Variants in NR6A1 observed in about 807,000 individuals in gnomAD.
NR6A1 encodes retinoic acid receptor-related testis-associated receptor.
A neutral mutation model predicts 59.1 loss-of-function variants in NR6A1; 7 were observed. That is an observed-to-expected ratio of 0.12 (90% CI 0.07 to 0.22). NR6A1 has a LOEUF of 0.22. Ranked by LOEUF, NR6A1 falls within the 10% of genes least tolerant of loss-of-function variation. NR6A1 has a pLI of 1.00. For synonymous variants in NR6A1, 243 were observed against 236.1 expected (o/e 1.03, Z -0.27); for missense variants, 468 against 611.6 (o/e 0.77, Z 2.48).
At chr9:124,647,724 C>CAAA (rs35591437) in intron 2 of NR6A1, among the ~76,000 whole-genome samples, 10 of 56,028 alleles carry the variant, frequency 1.8e-4, no homozygotes, top group African/African-American at 4.1e-4. Flanking sequence ...GAGACCGTCT[C>CAAA]AAAAAAAAAA....
chr9:124,647,407 C>T (rs939183909), intron 2 of NR6A1, among the ~76,000 whole-genome samples: 1 of 152,054 alleles, frequency 6.6e-6, no homozygotes, highest in African/African-American at 2.4e-5. Context: ...AAGAAATGGA[C>T]ATACACAACC....
intron 2 of NR6A1, among the ~76,000 whole-genome samples, chr9:124,650,861 A>C (rs1191345626): frequency 1.3e-5 from 2 of 152,222 alleles, no homozygotes; most frequent in Admixed American, 1.3e-4. Flanking sequence ...AACTTGAAAC[A>C]TTCAGGAATA....
intron 2 of NR6A1, among the ~76,000 whole-genome samples, chr9:124,611,947 T>C (rs563518271): frequency 4.1e-4 from 62 of 152,198 alleles, no homozygotes; most frequent in African/African-American, 1.4e-3. Context: ...ATATCTATCT[T>C]AGAAGAGGGG....
intron 2 of NR6A1, among the ~76,000 whole-genome samples, chr9:124,647,341 A>T (rs1292909656): frequency 6.6e-6 from 1 of 152,240 alleles, no homozygotes; most frequent in Non-Finnish European, 1.5e-5. Context: ...AATACAAAGC[A>T]TCATTAGAGA....
intron 1 of NR6A1, among the ~76,000 whole-genome samples, chr9:124,747,133 A>G (rs540185349): frequency 2.1e-4 from 31 of 147,982 alleles, no homozygotes; most frequent in Non-Finnish European, 3.3e-4. Context: ...GCTGGCAACT[A>G]TTTCCCCTAG....
At chr9:124,635,745 G>A (rs76132589) in intron 2 of NR6A1, among the ~76,000 whole-genome samples, 1,836 of 152,230 alleles carry the variant, frequency 0.012, 31 homozygotes, top group African/African-American at 0.04. Context: ...GTCAGGATAT[G>A]CCACTGTTAT....
intron 7 of NR6A1, among the ~76,000 whole-genome samples, chr9:124,534,072 CTTT>C (rs113862423): frequency 0.014 from 1,887 of 135,694 alleles, 34 homozygotes; most frequent in African/African-American, 0.048. Flanking sequence ...CATTATAAGA[CTTT>C]TTTTTTTTTT....
chr9:124,542,259 G>A (rs1383232887), intron 4 of NR6A1, among the ~76,000 whole-genome samples: 1 of 152,132 alleles, frequency 6.6e-6, no homozygotes, highest in South Asian at 2.1e-4. Context: ...TATATGACTT[G>A]AATAACGAGA....
rs1163137971 is a variant in NR6A1, at chr9:124,521,368, C to T, written c.*1337G>A. ...GTAGTTTAAAGCCCCCCTTCCCTTCCAGGTGCTTCTGGCTCCAGCCCTCCA... is the reference window on the plus strand; with the variant it reads ...GTAGTTTAAAGCCCCCCTTCCCTTCTAGGTGCTTCTGGCTCCAGCCCTCCA... On this transcript the variant is annotated 3_prime_UTR_variant, in exon 10 of 10. Transcript: ENST00000487099. 6.6e-6 allele frequency: 1 copy of T among 152,516 alleles called. No individual in the cohort carries two copies. Among genetic ancestry groups the T allele is most frequent in the Non-Finnish European group, 1.5e-5 (1 of 68,300 alleles). The allele number at this position is 152,516 out of a possible 1,614,324, so 9.4% of individuals were successfully genotyped here. A position where few individuals can be genotyped will look rare whatever the true frequency, so the allele number is the denominator to read the frequency against.
At chr9:124,677,465 C>T (rs1247437268) in intron 2 of NR6A1, among the ~76,000 whole-genome samples, 3 of 151,732 alleles carry the variant, frequency 2.0e-5, no homozygotes, top group Non-Finnish European at 4.4e-5. Flanking sequence ...CATCATGTTG[C>T]CCAGGCTAGT....
intron 1 of NR6A1, among the ~76,000 whole-genome samples, chr9:124,734,202 C>T (rs911881510): frequency 3.3e-5 from 5 of 152,228 alleles, no homozygotes; most frequent in African/African-American, 1.2e-4. Flanking sequence ...ATAATTATCT[C>T]TAACACCTGT....
Position 124,526,837 on chromosome 9 carries a change from C to A in NR6A1, c.1143G>T (p.Gln381His). 1.2e-6 allele frequency: 2 copies of A among 1,614,140 alleles called. No homozygotes were observed. Among genetic ancestry groups the A allele is most frequent in the Non-Finnish European group, 1.7e-6 (2 of 1,179,978 alleles). The change falls in exon 8 of 10, where the codon CAG (glutamine) becomes CAT (histidine). Residue 381 changes from glutamine (Q) to histidine (H), a missense_variant. Around this residue, in one of 4 missense-constraint regions of NR6A1, gnomAD observed 176 missense variants for 264.0 expected, o/e 0.67. Coordinates refer to ENST00000487099, the MANE Select transcript of NR6A1 (RefSeq NM_033334.4). ...RLIYLYHKFH[Q>H]LKVSNEEYAC... ...CATACTCCTCGTTGCTGACCTTTAGCTGATGGAACTTGTGATAGAGGTAGA... is the reference window on the plus strand; with the variant it reads ...CATACTCCTCGTTGCTGACCTTTAGATGATGGAACTTGTGATAGAGGTAGA...
Position 124,520,676 on chromosome 9 carries a change from C to T in NR6A1, c.*2029G>A, listed in dbSNP as rs1247785486. On this transcript the variant is annotated 3_prime_UTR_variant, in exon 10 of 10. Coordinates refer to ENST00000487099, the MANE Select transcript of NR6A1 (RefSeq NM_033334.4). ...CTGTGATATGTGTCTCCTTCCCGATCTGGAGGAAAGCAGCTCAGAGTCTGA... is the reference window on the plus strand; with the variant it reads ...CTGTGATATGTGTCTCCTTCCCGATTTGGAGGAAAGCAGCTCAGAGTCTGA... 1 of 152,210 alleles carries T rather than the reference C, an allele frequency of 6.6e-6. No individual in the cohort carries two copies. Among genetic ancestry groups the T allele is most frequent in the Non-Finnish European group, 1.5e-5 (1 of 68,050 alleles). The allele number at this position is 152,210 out of a possible 1,614,324, so 9.4% of individuals were successfully genotyped here.
intron 1 of NR6A1, among the ~76,000 whole-genome samples, chr9:124,747,436 T>C (rs750849639): frequency 3.3e-5 from 5 of 152,060 alleles, no homozygotes; most frequent in African/African-American, 4.8e-5. Flanking sequence ...TCATCCTAGG[T>C]TGGATGGTCT....
intron 7 of NR6A1, among the ~76,000 whole-genome samples, chr9:124,532,633 G>A (rs16927506): frequency 0.018 from 2,679 of 152,232 alleles, 73 homozygotes; most frequent in African/African-American, 0.062. Context: ...TTTTTGCATC[G>A]ATGGATTCCA....
intron 2 of NR6A1, among the ~76,000 whole-genome samples, chr9:124,557,168 G>C (rs149985520): frequency 4.8e-4 from 73 of 152,072 alleles, no homozygotes; most frequent in African/African-American, 1.7e-3. Flanking sequence ...TCACTCTGTA[G>C]CCCAGGCTGG....
At chr9:124,719,151 G>C (rs1235228635) in intron 2 of NR6A1, among the ~76,000 whole-genome samples, 5 of 151,850 alleles carry the variant, frequency 3.3e-5, no homozygotes, top group South Asian at 2.1e-4. Flanking sequence ...CCAGGCTGGA[G>C]TGCAGTGGTG....
chr9:124,695,520 C>T (rs975262150), intron 2 of NR6A1, among the ~76,000 whole-genome samples: 18 of 152,056 alleles, frequency 1.2e-4, no homozygotes, highest in Non-Finnish European at 1.6e-4. Context: ...CCCGCCACCA[C>T]ACCCAGTCAA....
intron 2 of NR6A1, among the ~76,000 whole-genome samples, chr9:124,672,513 G>A (rs1355857235): frequency 1.3e-5 from 2 of 152,090 alleles, no homozygotes; most frequent in Non-Finnish European, 1.5e-5. Context: ...AACTCGGGAG[G>A]CTGAGGCAGG....
Sources: allele counts gnomAD v4.1 joint callset (sites outside exome capture counted in the v4.1 genomes callset), GRCh38; gene constraint gnomAD v4.1.1; regional missense constraint gnomAD v4.1.1; transcripts MANE v1.5; gene names NCBI Gene and HGNC (gene_info 2026-07-23, HGNC 2026-07-21).